SPOCK3: variants seen among roughly 807,000 people sequenced by gnomAD.
The protein encoded by SPOCK3 is testican-3.
SPOCK3 carries 30 observed loss-of-function variants against 56.6 expected under a neutral mutation model. That is an observed-to-expected ratio of 0.53 (90% CI 0.40 to 0.72). The LOEUF is 0.72. Among genes scored for constraint, SPOCK3 ranks in the 30% least tolerant of loss-of-function variants. The pLI, the probability that SPOCK3 is intolerant of heterozygous loss-of-function variation, is 0.00. For missense variants in SPOCK3, 527 were observed against 530.0 expected, an observed-to-expected ratio of 0.99 and a Z score of 0.06; for synonymous variants, 196 against 183.3, an observed-to-expected ratio of 1.07 and a Z score of -0.56.
At chr4:167,196,755 A>G (rs1471925551) in intron 2 of SPOCK3, among the ~76,000 whole-genome samples, 2 of 151,960 alleles carry the variant, frequency 1.3e-5, no homozygotes, top group Non-Finnish European at 2.9e-5. Context: ...TTATATTATC[A>G]GGGTCCACTC....
intron 2 of SPOCK3, among the ~76,000 whole-genome samples, chr4:167,205,272 TATATATTATATATATTTTATATCTATA>T (rs1733976244): frequency 3.6e-5 from 2 of 55,688 alleles, no homozygotes; most frequent in Non-Finnish European, 6.4e-5. Context: ...ATATCTATAA[TATATATTATATATATTTTATATCTATA>T]ATATATATTA....
chr4:166,743,409 A>G lies in SPOCK3; in HGVS notation c.932-1350T>C, dbSNP rs1735131163. Among the ~76,000 whole-genome samples, 4 of 151,832 alleles carry G rather than the reference A, an allele frequency of 2.6e-5. No individual in the cohort carries two copies. In the South Asian group the frequency reaches 8.3e-4, roughly 32 times the overall value. On this transcript the variant is annotated intron_variant, in intron 8 of 10. Coordinates refer to ENST00000357545, the MANE Select transcript of SPOCK3 (RefSeq NM_001040159.2). ...GATAGGTGCTTAACATATACATTGT[A>G]GTTTAATATGTGAACTTAATCTTGC...
intron 3 of SPOCK3, among the ~76,000 whole-genome samples, chr4:167,035,672 T>C (rs544239099): frequency 6.6e-6 from 1 of 152,286 alleles, no homozygotes; most frequent in African/African-American, 2.4e-5. Flanking sequence ...TCCCTGTCTT[T>C]TTCCCTACCC....
intron 6 of SPOCK3, among the ~76,000 whole-genome samples, chr4:166,849,714 C>T (rs1285121376): frequency 6.6e-6 from 1 of 152,108 alleles, no homozygotes; most frequent in Non-Finnish European, 1.5e-5. Context: ...TCATGCAAAA[C>T]TGCAACTCTG....
intron 3 of SPOCK3, among the ~76,000 whole-genome samples, chr4:167,037,217 C>T (rs1242575714): frequency 2.0e-5 from 3 of 152,122 alleles, no homozygotes; most frequent in African/African-American, 4.8e-5. Context: ...GGCGCGGTGG[C>T]TCACACCTGG....
chr4:167,196,474 T>C (rs1732961498), intron 2 of SPOCK3, among the ~76,000 whole-genome samples: 1 of 152,168 alleles, frequency 6.6e-6, no homozygotes, highest in Non-Finnish European at 1.5e-5. Context: ...CAAATGGCTG[T>C]AATCAAGGTG....
At chr4:166,735,197 G>T in intron 10 of SPOCK3, 107 bp from the exon 11 acceptor site, 4 of 686,110 alleles carry the variant, frequency 5.8e-6, no homozygotes, top group Non-Finnish European at 7.2e-6. Flanking sequence ...AAAGTAATTT[G>T]TTTTCTATCT....
chr4:167,030,671 A>G (rs1445603787), intron 3 of SPOCK3, among the ~76,000 whole-genome samples: 2 of 152,076 alleles, frequency 1.3e-5, no homozygotes, highest in African/African-American at 4.8e-5. Context: ...CAGGATAGAC[A>G]TGTCATTTAA....
chr4:167,165,140 C>G (rs538095739), intron 2 of SPOCK3, among the ~76,000 whole-genome samples: 21 of 152,138 alleles, frequency 1.4e-4, no homozygotes, highest in African/African-American at 5.1e-4. Flanking sequence ...CCATTCAGGA[C>G]ATAGGCATGG....
chr4:166,815,946 C>T (rs1271499650), intron 6 of SPOCK3, among the ~76,000 whole-genome samples: 1 of 151,938 alleles, frequency 6.6e-6, no homozygotes, highest in Non-Finnish European at 1.5e-5. Context: ...TGTAACAAAT[C>T]CTGTTATTAA....
chr4:167,224,147 ACAT>A (rs1736356192), intron 2 of SPOCK3, among the ~76,000 whole-genome samples: 1 of 152,118 alleles, frequency 6.6e-6, no homozygotes, highest in Non-Finnish European at 1.5e-5. Context: ...ATAAATTCTG[ACAT>A]CATAGTTTTC....
In SPOCK3 at chr4:167,063,067, T is replaced by C. The variant is rs543400328; in HGVS notation, c.190-530A>G. ...ATATGCTTTATGCAAATCATTCTCT[T>C]GCTAATCGAATATCTAAGAAGTTCA... On this transcript the variant is annotated intron_variant, in intron 2 of 10. Coordinates refer to ENST00000357545, the MANE Select transcript of SPOCK3 (RefSeq NM_001040159.2). Among the ~76,000 whole-genome samples, 102 of 151,944 alleles carry C rather than the reference T, an allele frequency of 6.7e-4. 1 individual carries two copies. Among genetic ancestry groups the C allele is most frequent in the African/African-American group, 2.4e-3 (98 of 41,516 alleles).
chr4:167,099,472 AGG>A (rs1373940459), intron 2 of SPOCK3, among the ~76,000 whole-genome samples: 35 of 151,998 alleles, frequency 2.3e-4, no homozygotes, highest in African/African-American at 8.4e-4. Context: ...CTTAGATCAG[AGG>A]TACGTGAAAT....
At chr4:167,108,002 T>C (rs1157805837) in intron 2 of SPOCK3, among the ~76,000 whole-genome samples, 1 of 151,804 alleles carries the variant, frequency 6.6e-6, no homozygotes, top group Non-Finnish European at 1.5e-5. Flanking sequence ...AAGGTCTGAA[T>C]AGACATTTGC....
At chr4:166,878,311 C>A (rs1157159702) in intron 6 of SPOCK3, among the ~76,000 whole-genome samples, 1 of 151,962 alleles carries the variant, frequency 6.6e-6, no homozygotes, top group Non-Finnish European at 1.5e-5. Context: ...ATAAACAACA[C>A]TTCTAAGGAG....
intron 8 of SPOCK3, among the ~76,000 whole-genome samples, chr4:166,752,801 T>C (rs1736594532): frequency 6.6e-6 from 1 of 152,008 alleles, no homozygotes; most frequent in Admixed American, 6.6e-5. Flanking sequence ...CTGAGAACTT[T>C]TGTAACTTCT....
chr4:166,909,337 T>C (rs146739582), intron 5 of SPOCK3, among the ~76,000 whole-genome samples: 150 of 152,118 alleles, frequency 9.9e-4, no homozygotes, highest in African/African-American at 3.4e-3. Flanking sequence ...CTAAAGTCTT[T>C]CTTTGTGTAC....
intron 7 of SPOCK3, among the ~76,000 whole-genome samples, chr4:166,776,045 G>T (rs1739492530): frequency 6.6e-6 from 1 of 152,072 alleles, no homozygotes; most frequent in South Asian, 2.1e-4. Context: ...TCTAAGAAGA[G>T]TTAAACCAGT....
intron 3 of SPOCK3, among the ~76,000 whole-genome samples, chr4:167,024,281 T>C (rs1281048909): frequency 6.6e-6 from 1 of 152,024 alleles, no homozygotes; most frequent in Non-Finnish European, 1.5e-5. Context: ...ACAGATTTGC[T>C]AAAAAAATTA....
Sources: allele counts gnomAD v4.1 joint callset (sites outside exome capture counted in the v4.1 genomes callset), GRCh38; gene constraint gnomAD v4.1.1; transcripts MANE v1.5; gene names NCBI Gene and HGNC (gene_info 2026-07-23, HGNC 2026-07-21).